SGCZ: variants seen among roughly 807,000 people sequenced by gnomAD.
SGCZ encodes the protein zeta-sarcoglycan.
SGCZ carries 40 observed loss-of-function variants against 41.3 expected under a neutral mutation model. The ratio of observed to expected loss-of-function variants is 0.97; its 90% CI spans 0.75 to 1.26. SGCZ has a LOEUF of 1.26. Ranked by LOEUF, SGCZ falls within the 50% of genes most tolerant of loss-of-function variation. SGCZ has a pLI of 0.00. For synonymous variants in SGCZ, 206 were observed against 137.5 expected (o/e 1.50, Z -3.49); for missense variants, 552 against 369.8 (o/e 1.49, Z -4.04).
intron 1 of SGCZ, among the ~76,000 whole-genome samples, chr8:14,566,948 C>T (rs574349381): frequency 2.6e-5 from 4 of 152,164 alleles, no homozygotes; most frequent in Non-Finnish European, 4.4e-5. Context: ...CCAGCTGGCC[C>T]CACCGGCCCC....
chr8:14,904,648 A>C (rs978355289), intron 1 of SGCZ, among the ~76,000 whole-genome samples: 1 of 152,040 alleles, frequency 6.6e-6, no homozygotes, highest in Non-Finnish European at 1.5e-5. Context: ...TGAGGGTTTT[A>C]GTGAAAGAGA....
chr8:15,156,108 A>G (rs1432442696), intron 1 of SGCZ, among the ~76,000 whole-genome samples: 2 of 151,296 alleles, frequency 1.3e-5, no homozygotes, highest in Non-Finnish European at 2.9e-5. Context: ...ATGCTGAAAT[A>G]TTTAAAGTGA....
At chr8:15,115,149 C>T (rs1044026454) in intron 1 of SGCZ, among the ~76,000 whole-genome samples, 1 of 152,150 alleles carries the variant, frequency 6.6e-6, no homozygotes, top group Non-Finnish European at 1.5e-5. Flanking sequence ...TGACTCCATG[C>T]AGTGATTCAG....
chr8:14,961,265 A>G (rs2130851282), intron 1 of SGCZ, among the ~76,000 whole-genome samples: 1 of 152,278 alleles, frequency 6.6e-6, no homozygotes, highest in South Asian at 2.1e-4. Flanking sequence ...ATACCAGCCT[A>G]GACTCAAATG....
intron 2 of SGCZ, among the ~76,000 whole-genome samples, chr8:14,517,108 A>G (rs1281988683): frequency 2.0e-5 from 3 of 152,100 alleles, no homozygotes; most frequent in Non-Finnish European, 1.5e-5. Context: ...TGTACAAAAC[A>G]ATGTATGATA....
chr8:14,748,813 T>A (rs914352371), intron 1 of SGCZ, among the ~76,000 whole-genome samples: 1 of 152,174 alleles, frequency 6.6e-6, no homozygotes, highest in African/African-American at 2.4e-5. Context: ...TGGTATTATA[T>A]GGTGTTACAA....
intron 2 of SGCZ, among the ~76,000 whole-genome samples, chr8:14,488,451 G>T (rs776718483): frequency 6.6e-6 from 1 of 151,842 alleles, no homozygotes; most frequent in African/African-American, 2.4e-5. Flanking sequence ...TAGGCCCTTC[G>T]CTTGTGCTTC....
At chr8:14,299,311 T>G (rs1347647787) in intron 3 of SGCZ, among the ~76,000 whole-genome samples, 1 of 151,946 alleles carries the variant, frequency 6.6e-6, no homozygotes, top group African/African-American at 2.4e-5. Context: ...AAGTTAAACA[T>G]GAAATTGGAC....
intron 2 of SGCZ, among the ~76,000 whole-genome samples, chr8:14,331,538 A>G (rs964632455): frequency 2.1e-4 from 32 of 152,098 alleles, no homozygotes; most frequent in Non-Finnish European, 4.0e-4. Context: ...GTATTCCTGC[A>G]TATTATCAGG....
intron 1 of SGCZ, among the ~76,000 whole-genome samples, chr8:15,008,472 C>G (rs1018479797): frequency 6.8e-6 from 1 of 146,416 alleles, no homozygotes; most frequent in African/African-American, 2.5e-5. Context: ...ATACCTTCAA[C>G]TGTGGAATGA....
chr8:14,388,868 A>G (rs1035947318), intron 2 of SGCZ, among the ~76,000 whole-genome samples: 1 of 152,046 alleles, frequency 6.6e-6, no homozygotes, highest in African/African-American at 2.4e-5. Context: ...AAGCACTGTG[A>G]AAGAGATTGA....
chr8:14,589,111 C>A (rs1805157541), intron 1 of SGCZ, among the ~76,000 whole-genome samples: 1 of 152,042 alleles, frequency 6.6e-6, no homozygotes, highest in Non-Finnish European at 1.5e-5. Context: ...ATGCAGCACA[C>A]CAACATGGCA....
chr8:14,255,141 C>G (rs929588887), intron 3 of SGCZ, among the ~76,000 whole-genome samples: 1 of 152,128 alleles, frequency 6.6e-6, no homozygotes, highest in African/African-American at 2.4e-5. Flanking sequence ...CGACACTACA[C>G]AAGTCACTAC....
intron 5 of SGCZ, among the ~76,000 whole-genome samples, chr8:14,150,539 C>A (rs1340897048): frequency 6.6e-6 from 1 of 151,962 alleles, no homozygotes; most frequent in Non-Finnish European, 1.5e-5. Context: ...GGTGAGGATG[C>A]AGAGAAAAGG....
At chr8:14,319,477 T>A (rs574077706) in intron 3 of SGCZ, 1 of 152,036 alleles carries the variant, frequency 6.6e-6, no homozygotes, top group Admixed American at 6.6e-5. Context: ...TCTTTCAGAA[T>A]CTGTCTAGCA....
At chr8:14,381,710 C>A (rs1275698976) in intron 2 of SGCZ, among the ~76,000 whole-genome samples, 1 of 151,590 alleles carries the variant, frequency 6.6e-6, no homozygotes, top group Admixed American at 6.6e-5. Flanking sequence ...CTCTTGAGCC[C>A]AGGAGGTCGA....
intron 1 of SGCZ, among the ~76,000 whole-genome samples, chr8:14,594,085 G>A (rs545848241): frequency 1.1e-4 from 17 of 152,056 alleles, no homozygotes; most frequent in African/African-American, 4.1e-4. Context: ...TGACGTGGGA[G>A]AATTGCTTCA....
At chr8:14,774,276 C>G (rs893596645) in intron 1 of SGCZ, among the ~76,000 whole-genome samples, 1 of 152,150 alleles carries the variant, frequency 6.6e-6, no homozygotes, top group African/African-American at 2.4e-5. Context: ...GTCTATCAAT[C>G]CACCTACAGA....
At chr8:14,254,165 C>T (rs924671020) in intron 3 of SGCZ, among the ~76,000 whole-genome samples, 8 of 152,104 alleles carry the variant, frequency 5.3e-5, no homozygotes, top group African/African-American at 1.9e-4. Context: ...TGCTTATAAT[C>T]AGCTTGTTCC....
Sources: gnomAD v4.1 joint callset for allele counts (sites outside exome capture counted in the v4.1 genomes callset) on GRCh38, gnomAD v4.1.1 for gene constraint, MANE v1.5 for transcripts, NCBI Gene and HGNC (gene_info 2026-07-23, HGNC 2026-07-21) for gene names.